Variants in GPM6A observed in about 807,000 individuals in gnomAD.
GPM6A encodes glycoprotein M6A, also known as neuronal membrane glycoprotein M6-a.
Under a neutral mutation model 32.1 loss-of-function variants are expected in GPM6A, and 7 were observed. The observed-to-expected ratio is 0.22, with a 90% confidence interval of 0.12 to 0.41. The LOEUF (loss-of-function observed/expected upper bound fraction) is 0.41, where lower values mean the gene tolerates loss of function less well. Among genes scored for constraint, GPM6A ranks in the 10% least tolerant of loss-of-function variants. The pLI is 1.00. For missense variants in GPM6A, 235 were observed against 347.2 expected (o/e 0.68, Z 2.57); for synonymous variants, 130 against 123.4 (o/e 1.05, Z -0.35).
intron 1 of GPM6A, among the ~76,000 whole-genome samples, chr4:175,902,055 A>G (rs1737986165): frequency 6.6e-6 from 1 of 152,224 alleles, no homozygotes; most frequent in African/African-American, 2.4e-5. Context: ...GAATGTGTGT[A>G]GCACCTTTTT....
chr4:175,926,223 A>G (rs910108075), intron 1 of GPM6A, among the ~76,000 whole-genome samples: 13 of 152,174 alleles, frequency 8.5e-5, no homozygotes, highest in Non-Finnish European at 1.3e-4. Context: ...AACATTCAAA[A>G]ACACTGGCAA....
At chr4:175,671,010 C>T (rs1743030072) in intron 3 of GPM6A, among the ~76,000 whole-genome samples, 1 of 151,836 alleles carries the variant, frequency 6.6e-6, no homozygotes, top group African/African-American at 2.4e-5. Context: ...ATTACAGGCG[C>T]CTGCCACCAT....
At chr4:175,986,746 A>G (rs562335484) in intron 1 of GPM6A, among the ~76,000 whole-genome samples, 9 of 151,948 alleles carry the variant, frequency 5.9e-5, no homozygotes, top group Admixed American at 2.0e-4. Flanking sequence ...AATAGCCAAC[A>G]GTGCATCTAC....
At chr4:175,715,011 A>C (rs1745765673) in intron 1 of GPM6A, among the ~76,000 whole-genome samples, 1 of 151,872 alleles carries the variant, frequency 6.6e-6, no homozygotes, top group African/African-American at 2.4e-5. Context: ...AAAAAAAAAA[A>C]ACTAGCTTGA....
At chr4:175,721,186 A>G (rs1465236033) in intron 1 of GPM6A, among the ~76,000 whole-genome samples, 1 of 126,476 alleles carries the variant, frequency 7.9e-6, no homozygotes, top group Admixed American at 8.4e-5. Flanking sequence ...TTAAAAAGGC[A>G]AGATCTAGGC....
In GPM6A at chr4:175,745,826, T is replaced by TG. The variant is rs1461419966; in HGVS notation, c.38-44060dup. Reference sequence around the variant, plus strand: ...TGTTATCTGAGGCTGGAGAAGGAGATGGGGGTCAAGTTGGGAAGACTTCTT... The same window carrying TG: ...TGTTATCTGAGGCTGGAGAAGGAGATGGGGGGTCAAGTTGGGAAGACTTCTT... On this transcript the variant is annotated intron_variant, in intron 1 of 6. Transcript: ENST00000393658. Among the ~76,000 whole-genome samples, 8 of 150,988 alleles carry TG rather than the reference T, an allele frequency of 5.3e-5. No individual in the cohort carries two copies. In the South Asian group the frequency reaches 1.7e-3, roughly 31 times the overall value.
At position 175,835,646 on chromosome 4, in the gene GPM6A, T is replaced by C. The variant is rs1735744407; in HGVS notation, c.-22-23397A>G. Among the ~76,000 whole-genome samples, 3 of 146,348 alleles carry C rather than the reference T, an allele frequency of 2.0e-5. No homozygotes were observed. The South Asian group carries it at 6.3e-4, about 31-fold the overall frequency. Reference sequence around the variant, plus strand: ...GTGTGTGTATATATATATATATATATATATGCTTGTATGTTTGTGTATAAT... The same window carrying C: ...GTGTGTGTATATATATATATATATACATATGCTTGTATGTTTGTGTATAAT... On this transcript the variant is annotated intron_variant, in intron 1 of 7. Coordinates refer to the GPM6A transcript ENST00000280187.
chr4:175,740,362 T>C (rs907006476), intron 1 of GPM6A, among the ~76,000 whole-genome samples: 1 of 152,064 alleles, frequency 6.6e-6, no homozygotes, highest in African/African-American at 2.4e-5. Flanking sequence ...TTAGGAAGAA[T>C]CAGCATTACA....
intron 1 of GPM6A, among the ~76,000 whole-genome samples, chr4:175,838,856 T>G (rs563183402): frequency 1.3e-5 from 2 of 152,096 alleles, no homozygotes; most frequent in South Asian, 2.1e-4. Flanking sequence ...GGTTTCACCA[T>G]GTTGGCCAGG....
chr4:175,807,114 T>C (rs770561111), intron 1 of GPM6A: 1 of 152,254 alleles, frequency 6.6e-6, no homozygotes, highest in Admixed American at 6.5e-5. Context: ...TATAAATCTA[T>C]TAATAAACCA....
intron 1 of GPM6A, among the ~76,000 whole-genome samples, chr4:175,748,159 C>G (rs1252694411): frequency 6.6e-6 from 1 of 152,064 alleles, no homozygotes; most frequent in African/African-American, 2.4e-5. Context: ...CTCAAAGTCA[C>G]CCACGAGGGT....
rs185279341 is a variant in GPM6A at position 175,769,869 on chromosome 4, T to C, written c.37+42322A>G. ...TAAGACTAATCATAGATAGTCTCAA[T>C]TGATTAGCAGTCTCATCAAATGGCT... On this transcript the variant is annotated intron_variant, in intron 1 of 6. Transcript: ENST00000393658. Among the ~76,000 whole-genome samples the C allele has an allele frequency of 2.6e-5, 4 of 152,366 alleles. No individual in the cohort carries two copies. In the East Asian group the frequency reaches 7.7e-4, roughly 29 times the overall value.
chr4:175,645,496 G>A (rs1477336569), intron 4 of GPM6A, among the ~76,000 whole-genome samples: 2 of 152,024 alleles, frequency 1.3e-5, no homozygotes, highest in African/African-American at 4.8e-5. Context: ...CAAGGCAGGT[G>A]GATCATTTGA....
At chr4:175,889,772 C>T (rs1445681048) in intron 1 of GPM6A, among the ~76,000 whole-genome samples, 3 of 152,072 alleles carry the variant, frequency 2.0e-5, no homozygotes, top group Non-Finnish European at 4.4e-5. Flanking sequence ...GAGATCGCGC[C>T]ACTGCACTCC....
intron 2 of GPM6A, among the ~76,000 whole-genome samples, chr4:175,692,087 C>T (rs1744329763): frequency 6.6e-6 from 1 of 152,162 alleles, no homozygotes; most frequent in African/African-American, 2.4e-5. Context: ...ATACTTGTGA[C>T]CTCCAGGACT....
intron 1 of GPM6A, among the ~76,000 whole-genome samples, chr4:175,938,646 T>C (rs1310450727): frequency 6.6e-6 from 1 of 151,920 alleles, no homozygotes; most frequent in Non-Finnish European, 1.5e-5. Flanking sequence ...TCCTTAATTA[T>C]GTAAGGATAC....
chr4:175,734,038 C>G (rs1731544161), intron 1 of GPM6A, among the ~76,000 whole-genome samples: 1 of 151,880 alleles, frequency 6.6e-6, no homozygotes, highest in Admixed American at 6.6e-5. Context: ...AATTTGACTT[C>G]CACGATCAAA....
intron 1 of GPM6A, among the ~76,000 whole-genome samples, chr4:175,736,676 C>T (rs1336710129): frequency 6.6e-6 from 1 of 152,058 alleles, no homozygotes; most frequent in African/African-American, 2.4e-5. Context: ...TGCTTACTGG[C>T]ATATTTGTAT....
rs1047450878 is a variant in GPM6A, at chr4:175,841,917, T to C, written c.-22-29668A>G. On this transcript the variant is annotated intron_variant, in intron 1 of 7. Coordinates refer to the GPM6A transcript ENST00000280187. ...TTTCCATAGCTGTCATTCCATTTAT[T>C]GTTTTAGAAACATCCAGTTCATCAT... is the stretch of plus-strand genomic sequence containing the variant. Among the ~76,000 whole-genome samples, 18 of 152,310 alleles carry C rather than the reference T, an allele frequency of 1.2e-4. No homozygotes were observed. In the South Asian group the frequency reaches 1.7e-3, roughly 14 times the overall value.
Sources: allele counts gnomAD v4.1 joint callset (sites outside exome capture counted in the v4.1 genomes callset), GRCh38; gene constraint gnomAD v4.1.1; transcripts MANE v1.5; gene names NCBI Gene and HGNC (gene_info 2026-07-23, HGNC 2026-07-21).